The following MTAP variants were observed in gnomAD, a reference collection of about 807,000 sequenced individuals.
The protein encoded by MTAP is methylthioadenosine phosphorylase, also known as S-methyl-5'-thioadenosine phosphorylase.
Under a neutral mutation model 33.6 loss-of-function variants are expected in MTAP, and 33 were observed. The ratio of observed to expected loss-of-function variants is 0.98; its 90% confidence interval spans 0.74 to 1.31. The LOEUF (loss-of-function observed/expected upper bound fraction) is 1.31. Ranked by LOEUF, MTAP falls within the 40% of genes most tolerant of loss-of-function variation. The pLI is 0.00. For synonymous variants in MTAP, 148 were observed against 125.7 expected (o/e 1.18, Z -1.19); for missense variants, 367 against 360.0 (o/e 1.02, Z -0.16).
At chr9:21,806,105 G>A (rs983656285) in intron 1 of MTAP, among the ~76,000 whole-genome samples, 14 of 152,112 alleles carry the variant, frequency 9.2e-5, no homozygotes, top group African/African-American at 3.4e-4. Flanking sequence ...AGAGTGGGAG[G>A]CAGCATTTGA....
intron 1 of MTAP, among the ~76,000 whole-genome samples, chr9:21,805,519 A>T (rs1279176764): frequency 6.6e-6 from 1 of 152,188 alleles, no homozygotes. Flanking sequence ...ACTCCTAGGG[A>T]GGTGGATTTT....
chr9:21,854,524 T>G, intron 5 of MTAP, 107 bp from the exon 6 acceptor site: 2 of 1,412,292 alleles, frequency 1.4e-6, no homozygotes, highest in Non-Finnish European at 1.9e-6. Flanking sequence ...TTTATTATAG[T>G]GACAAATCAT....
At chr9:21,848,670 A>G (rs1462051116) in intron 5 of MTAP, among the ~76,000 whole-genome samples, 2 of 152,162 alleles carry the variant, frequency 1.3e-5, no homozygotes, top group African/African-American at 4.8e-5. Flanking sequence ...GGTCCAGAAA[A>G]TATGCCCTTG....
Position 21,865,902 on chromosome 9 carries a change from AC to A in MTAP, c.*3890del, listed in dbSNP as rs1173312436. On this transcript the variant is annotated 3_prime_UTR_variant, in exon 8 of 8. Coordinates refer to ENST00000644715, the MANE Select transcript of MTAP (RefSeq NM_002451.4). ...TATCTTACAATTTGATTATCTATTC[AC>A]CTGTTGATGAATGTTTGAATTTTTT... is the stretch of plus-strand genomic sequence containing the variant. 3 of 610,030 alleles carry A rather than the reference AC, an allele frequency of 4.9e-6. No homozygotes were observed. Among genetic ancestry groups the A allele is most frequent in the Non-Finnish European group, 6.2e-6 (3 of 486,776 alleles). The allele number at this position is 610,030 out of a possible 1,614,324, so 37.8% of individuals were successfully genotyped here. A position where few individuals can be genotyped will look rare whatever the true frequency, so the allele number is the denominator to read the frequency against.
At chr9:21,911,225 G>C (rs1818570863) in intron 1 of MTAP, among the ~76,000 whole-genome samples, 1 of 151,934 alleles carries the variant, frequency 6.6e-6, no homozygotes, top group African/African-American at 2.4e-5. Flanking sequence ...AGATCAATGA[G>C]ACAAAGTTAA....
At chr9:21,887,454 T>C (rs1417120266) in intron 1 of MTAP, among the ~76,000 whole-genome samples, 3 of 152,208 alleles carry the variant, frequency 2.0e-5, no homozygotes, top group Non-Finnish European at 4.4e-5. Context: ...TCATTTTTTA[T>C]GGCTGCATAG....
intron 1 of MTAP, among the ~76,000 whole-genome samples, chr9:21,886,041 G>A (rs1818104237): frequency 6.6e-6 from 1 of 151,472 alleles, no homozygotes; most frequent in African/African-American, 2.4e-5. Flanking sequence ...TCTCCACACT[G>A]TTTTCCACAG....
chr9:21,842,687 C>A (rs763703193), intron 5 of MTAP, among the ~76,000 whole-genome samples: 38 of 152,248 alleles, frequency 2.5e-4, no homozygotes, highest in Non-Finnish European at 5.0e-4. Flanking sequence ...GAGAGATAGT[C>A]TTTTTCAGAC....
At chr9:21,826,841 G>T (rs10811625) in intron 4 of MTAP, among the ~76,000 whole-genome samples, 5 of 151,690 alleles carry the variant, frequency 3.3e-5, no homozygotes, top group Non-Finnish European at 7.4e-5. Context: ...AAGGTGAGCC[G>T]TGGGGCGAGA....
intron 1 of MTAP, among the ~76,000 whole-genome samples, chr9:21,921,835 G>A (rs1007912602): frequency 6.6e-6 from 1 of 151,968 alleles, no homozygotes; most frequent in Non-Finnish European, 1.5e-5. Context: ...ATAACAATTA[G>A]CCAGGCATGG....
At chr9:21,912,231 G>A (rs1024675308) in intron 1 of MTAP, among the ~76,000 whole-genome samples, 1 of 152,150 alleles carries the variant, frequency 6.6e-6, no homozygotes. Flanking sequence ...CATTCCTTCT[G>A]AAACTATTCC....
chr9:21,859,507 C>T (rs1352723820), intron 7 of MTAP, 82 bp downstream of exon 7: 8 of 1,462,130 alleles, frequency 5.5e-6, no homozygotes, highest in Non-Finnish European at 7.3e-6. Flanking sequence ...ACCTTTGGTC[C>T]TCATGTATTT....
chr9:21,871,430 G>A (rs190366243), downstream of MTAP, among the ~76,000 whole-genome samples: 6 of 152,066 alleles, frequency 3.9e-5, no homozygotes, highest in Non-Finnish European at 7.4e-5. Flanking sequence ...GTCTGAATTA[G>A]CCCTTTCTCT....
At chr9:21,926,458 A>T (rs1452458714) in intron 1 of MTAP, among the ~76,000 whole-genome samples, 1 of 152,114 alleles carries the variant, frequency 6.6e-6, no homozygotes. Context: ...TAGGAGAAGT[A>T]CCCCCAGATG....
chr9:21,910,526 A>G (rs1179260454), intron 1 of MTAP, among the ~76,000 whole-genome samples: 1 of 152,168 alleles, frequency 6.6e-6, no homozygotes, highest in South Asian at 2.1e-4. Context: ...TTGGGAAAGC[A>G]CATGCATGCC....
intron 5 of MTAP, among the ~76,000 whole-genome samples, chr9:21,838,779 ACTTCT>A (rs1182644988): frequency 3.3e-5 from 5 of 152,238 alleles, no homozygotes; most frequent in Admixed American, 6.5e-5. Context: ...CACATGTGCT[ACTTCT>A]CTTATAATCC....
At chr9:21,917,028 T>G (rs1818704023) in intron 1 of MTAP, among the ~76,000 whole-genome samples, 1 of 152,164 alleles carries the variant, frequency 6.6e-6, no homozygotes, top group African/African-American at 2.4e-5. Context: ...GCTATAAGAT[T>G]TACCAAAGGA....
intron 1 of MTAP, among the ~76,000 whole-genome samples, chr9:21,888,831 CAT>C (rs1200153729): frequency 1.3e-5 from 2 of 151,922 alleles, no homozygotes; most frequent in Non-Finnish European, 2.9e-5. Flanking sequence ...CACCTAGACA[CAT>C]AGTCATCAGG....
chr9:21,849,014 G>A (rs984492017), intron 5 of MTAP, among the ~76,000 whole-genome samples: 6 of 152,158 alleles, frequency 3.9e-5, no homozygotes, highest in African/African-American at 7.2e-5. Flanking sequence ...TTCATAGGAG[G>A]CCTACTGCAT....
Sources: allele counts gnomAD v4.1 joint callset (sites outside exome capture counted in the v4.1 genomes callset), GRCh38; gene constraint gnomAD v4.1.1; transcripts MANE v1.5; gene names NCBI Gene and HGNC (gene_info 2026-07-23, HGNC 2026-07-21).